DNER: variants seen among roughly 807,000 people sequenced by gnomAD.
DNER encodes delta/notch like EGF repeat containing.
In DNER, 33 loss-of-function variants were observed where a neutral mutation model predicts 78.2. The observed-to-expected ratio is 0.42, with a 90% CI of 0.32 to 0.56. The LOEUF (loss-of-function observed/expected upper bound fraction) is 0.56. DNER is among the 20% of genes least tolerant of loss of function. The pLI, the probability that DNER is intolerant of heterozygous loss-of-function variation, is 0.11. For synonymous variants in DNER, 417 were observed against 384.8 expected (o/e 1.08, Z -0.98); for missense variants, 918 against 975.3 (o/e 0.94, Z 0.78).
chr2:229,546,843 A>G (rs1696637990), intron 5 of DNER, 104 bp downstream of exon 5: 1 of 1,473,714 alleles, frequency 6.8e-7, no homozygotes, highest in African/African-American at 1.4e-5. Flanking sequence ...ATAGATAGAT[A>G]GAGCAAGGAT....
chr2:229,490,491 T>C (rs1382468230), intron 6 of DNER, among the ~76,000 whole-genome samples: 1 of 152,150 alleles, frequency 6.6e-6, no homozygotes, highest in Non-Finnish European at 1.5e-5. Flanking sequence ...CTACACATCA[T>C]ATACTTGGAC....
chr2:229,412,421 T>C (rs1693542366), intron 9 of DNER, among the ~76,000 whole-genome samples: 1 of 152,218 alleles, frequency 6.6e-6, no homozygotes, highest in Non-Finnish European at 1.5e-5. Context: ...TAGTAAGAGC[T>C]GTAGAGAATT....
intron 7 of DNER, among the ~76,000 whole-genome samples, chr2:229,470,623 G>A (rs1236399866): frequency 6.6e-6 from 1 of 152,214 alleles, no homozygotes; most frequent in East Asian, 1.9e-4. Context: ...GCTGAGGTGG[G>A]CGGATCACCT....
intron 4 of DNER, among the ~76,000 whole-genome samples, chr2:229,552,575 T>C (rs1026919483): frequency 2.0e-5 from 3 of 152,084 alleles, no homozygotes; most frequent in African/African-American, 7.2e-5. Flanking sequence ...AAGGGGCTTT[T>C]CCCCCTTTTT....
chr2:229,574,745 G>A (rs903254658), intron 4 of DNER, among the ~76,000 whole-genome samples: 5 of 152,100 alleles, frequency 3.3e-5, no homozygotes, highest in African/African-American at 1.2e-4. Context: ...ACTTCTGGAA[G>A]TTTGCATATT....
intron 1 of DNER, among the ~76,000 whole-genome samples, chr2:229,672,243 G>A (rs1699221227): frequency 6.6e-6 from 1 of 152,158 alleles, no homozygotes; most frequent in East Asian, 1.9e-4. Flanking sequence ...GTCTGGGGTA[G>A]CTGAGGTAGG....
rs1004156162 is a variant in DNER, at chr2:229,542,389, C to T, written c.993+4558G>A. ...CAATATCAAGAACAGCAAGCTTGAG[C>T]TTTATCACAAACCACCCATCAGCTC... On this transcript the variant is annotated intron_variant, in intron 5 of 12. Coordinates refer to ENST00000341772, the MANE Select transcript of DNER (RefSeq NM_139072.4). Among the ~76,000 whole-genome samples the T allele has an allele frequency of 7.2e-5, 11 of 152,294 alleles. No individual in the cohort carries two copies. The East Asian group carries it at 2.1e-3, about 29-fold the overall frequency.
At chr2:229,417,847 C>T (rs1334596470) in intron 9 of DNER, among the ~76,000 whole-genome samples, 1 of 152,028 alleles carries the variant, frequency 6.6e-6, no homozygotes, top group Admixed American at 6.6e-5. Flanking sequence ...TTTTTGTTTT[C>T]AGCTTTTTAC....
At chr2:229,674,357 C>T (rs1281661762) in intron 1 of DNER, among the ~76,000 whole-genome samples, 1 of 152,216 alleles carries the variant, frequency 6.6e-6, no homozygotes, top group East Asian at 1.9e-4. Context: ...CGGCTTACTG[C>T]AACCTCCGCC....
intron 7 of DNER, among the ~76,000 whole-genome samples, chr2:229,476,530 T>C (rs778773519): frequency 6.6e-6 from 1 of 152,186 alleles, no homozygotes. Flanking sequence ...TAATGTCATG[T>C]TATTCTTACA....
intron 7 of DNER, among the ~76,000 whole-genome samples, chr2:229,460,487 A>G (rs1427287362): frequency 2.0e-5 from 3 of 152,012 alleles, no homozygotes; most frequent in African/African-American, 7.3e-5. Context: ...TTGGTTTTAA[A>G]TACAAACCTA....
chr2:229,502,539 G>GAGCT (rs1447659889), intron 6 of DNER, among the ~76,000 whole-genome samples: 1 of 152,154 alleles, frequency 6.6e-6, no homozygotes, highest in Non-Finnish European at 1.5e-5. Flanking sequence ...GCAGCCCGGG[G>GAGCT]AGCTACAAAT....
intron 9 of DNER, among the ~76,000 whole-genome samples, chr2:229,413,318 C>CTTTTTTTTTT (rs751043233): frequency 3.4e-5 from 3 of 89,506 alleles, no homozygotes; most frequent in Non-Finnish European, 6.8e-5. Context: ...TCTTTTTCTT[C>CTTTTTTTTTT]TTCTTTTTTT....
chr2:229,641,233 G>C (rs981610152), intron 1 of DNER, among the ~76,000 whole-genome samples: 7 of 152,172 alleles, frequency 4.6e-5, no homozygotes, highest in African/African-American at 1.7e-4. Flanking sequence ...AACTGGAGTG[G>C]GGGTGAGGTT....
intron 1 of DNER, among the ~76,000 whole-genome samples, chr2:229,707,585 T>C (rs1699849547): frequency 6.6e-6 from 1 of 152,204 alleles, no homozygotes; most frequent in South Asian, 2.1e-4. Context: ...ACCTGTCATT[T>C]ATTCAACAGT....
In DNER at chr2:229,621,302, A is replaced by G. The variant is rs544279059; in HGVS notation, c.277-29414T>C. On this transcript the variant is annotated intron_variant, in intron 1 of 12. Transcript: ENST00000341772. ...ACCGTTGTCAAAGTAGAATCTTCCTAAAGCACAGCGTTGAAAATTGTATTC... is the reference window on the plus strand; with the variant it reads ...ACCGTTGTCAAAGTAGAATCTTCCTGAAGCACAGCGTTGAAAATTGTATTC... Among the ~76,000 whole-genome samples, 206 of 152,300 alleles carry G rather than the reference A, an allele frequency of 1.4e-3. 1 individual carries two copies. The highest frequency in any genetic ancestry group is 4.7e-3 in the African/African-American group (197 of 41,560).
chr2:229,388,592 AAT>A lies in DNER; in HGVS notation c.1724-198_1724-197del, dbSNP rs56042896. ...TTTACTTCAGTAAAACTAAAAAGGAAATATATATATATATATATATATATATA... is the reference window on the plus strand; with the variant it reads ...TTTACTTCAGTAAAACTAAAAAGGAAATATATATATATATATATATATATA... On this transcript the variant is annotated intron_variant, in intron 10 of 12. Coordinates refer to ENST00000341772, the MANE Select transcript of DNER (RefSeq NM_139072.4). Among the ~76,000 whole-genome samples, 279 of 57,512 alleles carry A rather than the reference AAT, an allele frequency of 4.9e-3. 1 individual carries two copies. Among genetic ancestry groups the A allele is most frequent in the Non-Finnish European group, 6.7e-3 (169 of 25,296 alleles). 37.7% of individuals were successfully genotyped at this position (57,512 alleles called of 152,430 possible).
At chr2:229,638,057 T>C (rs1034456831) in intron 1 of DNER, among the ~76,000 whole-genome samples, 19 of 152,220 alleles carry the variant, frequency 1.2e-4, no homozygotes, top group Admixed American at 7.9e-4. Flanking sequence ...CTTCCTTAAA[T>C]TATGAACAAT....
chr2:229,425,109 G>T (rs921234265), intron 8 of DNER, among the ~76,000 whole-genome samples: 11 of 152,160 alleles, frequency 7.2e-5, no homozygotes, highest in African/African-American at 2.7e-4. Context: ...ACCTAGGAGG[G>T]CTTCTGCCCT....
Sources: gnomAD v4.1 joint callset for allele counts (sites outside exome capture counted in the v4.1 genomes callset) on GRCh38, gnomAD v4.1.1 for gene constraint, MANE v1.5 for transcripts, NCBI Gene and HGNC (gene_info 2026-07-23, HGNC 2026-07-21) for gene names.